GFRA2: variants seen among roughly 807,000 people sequenced by gnomAD.
The protein encoded by GFRA2 is GDNF family receptor alpha 2, also known as GDNF family receptor alpha-2.
Under a neutral mutation model 48.3 loss-of-function variants are expected in GFRA2, and 17 were observed. The ratio of observed to expected loss-of-function variants is 0.35; its 90% CI spans 0.24 to 0.53. The LOEUF is 0.53. Among genes scored for constraint, GFRA2 ranks in the 20% least tolerant of loss-of-function variants. The pLI is 0.93. For synonymous variants in GFRA2, 305 were observed against 257.2 expected, an observed-to-expected ratio of 1.19 and a Z score of -1.78; for missense variants, 660 against 637.3, an observed-to-expected ratio of 1.04 and a Z score of -0.38.
rs764186980 is a variant in GFRA2 at position 21,778,291 on chromosome 8, G to A, written c.356-3236C>T. On this transcript the variant is annotated intron_variant, in intron 2 of 8. Coordinates refer to ENST00000524240, the MANE Select transcript of GFRA2 (RefSeq NM_001495.5). The stretch of plus-strand genomic sequence containing the variant: ...GACGCTTACCTCTCAGGTAGACCCC[G>A]CCACTCACAAGAACACTACCTGGAG... Among the ~76,000 whole-genome samples, 943 of 152,210 alleles carry A rather than the reference G, an allele frequency of 6.2e-3. 4 individuals carry two copies. Among genetic ancestry groups the A allele is most frequent in the Non-Finnish European group, 8.4e-3 (574 of 68,000 alleles).
At chr8:21,809,895 C>G (rs547690117) in intron 1 of GFRA2, among the ~76,000 whole-genome samples, 32 of 152,170 alleles carry the variant, frequency 2.1e-4, no homozygotes, top group Non-Finnish European at 4.3e-4. Flanking sequence ...CAACATCACC[C>G]ACACCCTCAC....
chr8:21,731,913 A>G (rs979554715), intron 4 of GFRA2, among the ~76,000 whole-genome samples: 12 of 152,254 alleles, frequency 7.9e-5, no homozygotes, highest in African/African-American at 2.9e-4. Flanking sequence ...CATGGCGTAC[A>G]CCATCTGTGC....
At chr8:21,694,397 G>T in intron 8 of GFRA2, 67 bp downstream of exon 8, 1 of 1,456,028 alleles carries the variant, frequency 6.9e-7, no homozygotes, top group Non-Finnish European at 9.5e-7. Context: ...TCTGAGGCTC[G>T]CCGGGGAAAT....
upstream of GFRA2, among the ~76,000 whole-genome samples, chr8:21,791,359 A>G (rs1297869708): frequency 1.3e-5 from 2 of 152,088 alleles, no homozygotes; most frequent in African/African-American, 4.8e-5. Context: ...AGAGAACACC[A>G]ATCAGTCACC....
chr8:21,776,023 G>A (rs1806683332), intron 2 of GFRA2, among the ~76,000 whole-genome samples: 1 of 144,162 alleles, frequency 6.9e-6, no homozygotes. Context: ...GTGTGTGTGT[G>A]TGTGTGTGTG....
intron 4 of GFRA2, among the ~76,000 whole-genome samples, chr8:21,716,344 A>G (rs1585247290): frequency 6.6e-6 from 1 of 151,688 alleles, no homozygotes; most frequent in Non-Finnish European, 1.5e-5. Flanking sequence ...CTTGACTACT[A>G]TTTAGGTCAC....
chr8:21,710,482 C>T (rs1233166797), intron 4 of GFRA2, among the ~76,000 whole-genome samples: 1 of 152,124 alleles, frequency 6.6e-6, no homozygotes. Context: ...GGCTCCCTCT[C>T]GCTCTCCTGT....
chr8:21,792,919 T>C (rs1807601354), upstream of GFRA2, among the ~76,000 whole-genome samples: 1 of 151,968 alleles, frequency 6.6e-6, no homozygotes, highest in African/African-American at 2.4e-5. Context: ...ACAAAAAACA[T>C]ATCCAGGTGC....
At chr8:21,736,440 G>A (rs776733339) in intron 4 of GFRA2, among the ~76,000 whole-genome samples, 1 of 152,160 alleles carries the variant, frequency 6.6e-6, no homozygotes, top group African/African-American at 2.4e-5. Flanking sequence ...ATTTTGGGGT[G>A]TTAGGATTGA....
At chr8:21,796,712 C>A (rs1807683209) in intron 2 of GFRA2, among the ~76,000 whole-genome samples, 1 of 152,254 alleles carries the variant, frequency 6.6e-6, no homozygotes, top group Non-Finnish European at 1.5e-5. Context: ...CCCCCACTGT[C>A]CCCATGCACT....
intron 4 of GFRA2, among the ~76,000 whole-genome samples, chr8:21,742,234 G>C (rs985600820): frequency 6.6e-6 from 1 of 152,194 alleles, no homozygotes; most frequent in Non-Finnish European, 1.5e-5. Context: ...TGGGGCCTTT[G>C]GGAGGTGATT....
At chr8:21,705,867 C>T in intron 5 of GFRA2, 65 bp downstream of exon 5, 3 of 1,116,354 alleles carry the variant, frequency 2.7e-6, no homozygotes, top group East Asian at 2.6e-5. Context: ...TGGGCTGCGG[C>T]CCCTGCCCTG....
chr8:21,794,478 T>G (rs1807633962), intron 2 of GFRA2, among the ~76,000 whole-genome samples: 1 of 152,072 alleles, frequency 6.6e-6, no homozygotes, highest in Non-Finnish European at 1.5e-5. Flanking sequence ...CTCGAACTCT[T>G]GACCTCAGGT....
intron 4 of GFRA2, among the ~76,000 whole-genome samples, chr8:21,730,882 G>A (rs985916480): frequency 2.0e-5 from 3 of 152,136 alleles, no homozygotes; most frequent in Admixed American, 2.0e-4. Context: ...CAGAATTTGA[G>A]ATAAGTATTA....
chr8:21,736,921 G>A (rs1436358560), intron 4 of GFRA2, among the ~76,000 whole-genome samples: 2 of 140,576 alleles, frequency 1.4e-5, no homozygotes, highest in South Asian at 2.6e-4. Context: ...GGGAGGGGAG[G>A]GGAGGGGAGG....
At chr8:21,763,713 A>T (rs934494374) in intron 3 of GFRA2, among the ~76,000 whole-genome samples, 1 of 151,334 alleles carries the variant, frequency 6.6e-6, no homozygotes, top group East Asian at 2.0e-4. Context: ...GCAAACCCTC[A>T]ACCTCTCCCA....
intron 2 of GFRA2, among the ~76,000 whole-genome samples, chr8:21,795,134 G>A (rs552603729): frequency 3.9e-5 from 6 of 152,306 alleles, no homozygotes; most frequent in South Asian, 4.1e-4. Context: ...TGCAGCTGCT[G>A]CAGCTCCCAT....
rs150785939 is a variant in GFRA2 at position 21,710,921 on chromosome 8, G to C, written c.795-4880C>G. On this transcript the variant is annotated intron_variant, in intron 4 of 8. Coordinates refer to ENST00000524240, the MANE Select transcript of GFRA2 (RefSeq NM_001495.5). The stretch of plus-strand genomic sequence containing the variant: ...AGAGTCCAAGCCCAAGGCTCCAGGA[G>C]GCCTTTGATTGCTAAAGTTTCTCTC... Among the ~76,000 whole-genome samples the C allele has an allele frequency of 4.3e-3, 659 of 152,286 alleles. 4 individuals carry two copies. Among genetic ancestry groups the C allele is most frequent in the African/African-American group, 0.015 (634 of 41,558 alleles).
chr8:21,760,988 A>C (rs531964619), intron 3 of GFRA2, among the ~76,000 whole-genome samples: 5 of 152,136 alleles, frequency 3.3e-5, no homozygotes, highest in African/African-American at 1.2e-4. Context: ...GAATAAATAA[A>C]CTCTCAGCAG....
Sources: allele counts gnomAD v4.1 joint callset (sites outside exome capture counted in the v4.1 genomes callset), GRCh38; gene constraint gnomAD v4.1.1; transcripts MANE v1.5; gene names NCBI Gene and HGNC (gene_info 2026-07-23, HGNC 2026-07-21).